FGF13: variants seen among roughly 807,000 people sequenced by gnomAD.
FGF13 encodes fibroblast growth factor homologous factor 2.
A neutral mutation model predicts 19.5 loss-of-function variants in FGF13; 2 were observed. That is an observed-to-expected ratio of 0.10 (90% CI 0.04 to 0.32). The LOEUF is 0.32. Among genes scored for constraint, FGF13 ranks in the 10% least tolerant of loss-of-function variants. The pLI is 1.00. For missense variants in FGF13, 113 were observed against 192.7 expected (o/e 0.59, Z 2.45); for synonymous variants, 72 against 76.9 (o/e 0.94, Z 0.33).
chrX:138,676,232 C>T (rs2089664806), intron 3 of FGF13, among the ~76,000 whole-genome samples: 1 of 111,073 alleles, frequency 9.0e-6, no homozygotes, highest in Non-Finnish European at 1.9e-5. Context: ...ATATTTTAGA[C>T]TTGTAATAGC....
At chrX:138,941,217 C>T (rs1569427148) in intron 1 of FGF13, among the ~76,000 whole-genome samples, 1 of 111,445 alleles carries the variant, frequency 9.0e-6, no homozygotes, top group Non-Finnish European at 1.9e-5. Context: ...CCAGAGCAAT[C>T]AGGGAAGAGA....
intron 1 of FGF13, among the ~76,000 whole-genome samples, chrX:139,063,820 A>T (rs1321388033): frequency 9.0e-6 from 1 of 111,492 alleles, no homozygotes; most frequent in East Asian, 2.8e-4. Context: ...GTATTACCTT[A>T]TTGTTGGGTG....
At chrX:138,641,624 C>T (rs2089252595) in intron 3 of FGF13, among the ~76,000 whole-genome samples, 1 of 111,922 alleles carries the variant, frequency 8.9e-6, no homozygotes, top group African/African-American at 3.3e-5. Context: ...AATGTAACTA[C>T]CTATATTCTC....
Position 138,710,764 on chromosome X carries a change from C to A in FGF13, c.187+53G>T. On this transcript the variant is annotated intron_variant, in intron 1 of 4. Transcript: ENST00000315930. ...TATGCTACATACCTGCTCCCCACCG[C>A]CCCCACCTCACTCGTAAAGTATGGG... 1.7e-6 allele frequency: 2 copies of A among 1,197,071 alleles called. 1 individual carries two copies. The highest frequency in any genetic ancestry group is 3.7e-5 in the South Asian group (2 of 54,220).
chrX:138,760,020 G>C, intron 3 of FGF13, among the ~76,000 whole-genome samples: 1 of 111,287 alleles, frequency 9.0e-6, no homozygotes, highest in Admixed American at 9.6e-5. Flanking sequence ...CCTTGTTGGG[G>C]TGTATGAGGA....
chrX:138,711,273 G>A lies in FGF13; in HGVS notation c.-270C>T, dbSNP rs2090044032. The A allele has an allele frequency of 5.1e-6, 5 of 977,808 alleles. No individual in the cohort carries two copies. Among genetic ancestry groups the A allele is most frequent in the African/African-American group, 2.0e-5 (1 of 49,844 alleles). 80.6% of individuals were successfully genotyped at this position (977,808 alleles called of 1,213,427 possible). ...GCCACAGCCCCGGGCCCGGGATCGCGGGCGAGACTGGCACGCGGATGCTGA... is the reference window on the plus strand; with the variant it reads ...GCCACAGCCCCGGGCCCGGGATCGCAGGCGAGACTGGCACGCGGATGCTGA... On this transcript the variant is annotated 5_prime_UTR_variant, in exon 1 of 5. Transcript: ENST00000315930.
At position 138,984,693 on chromosome X, in the gene FGF13, G is replaced by GAGAAGAAGA. The variant is rs778061986; in HGVS notation, c.-112-120052_-112-120044dup. ...GAAGGTGAAGGAGAAGAAGAAGGAGGAGAAGAAGAAGAAGAGAAGGAGGAG... is the reference window on the plus strand; with the variant it reads ...GAAGGTGAAGGAGAAGAAGAAGGAGGAGAAGAAGAAGAAGAAGAAGAAGAGAAGGAGGAG... On this transcript the variant is annotated intron_variant, in intron 1 of 2. Transcript: ENST00000421460. Among the ~76,000 whole-genome samples the GAGAAGAAGA allele has an allele frequency of 2.7e-3, 197 of 71,796 alleles. 2 individuals are homozygous for GAGAAGAAGA. The highest frequency in any genetic ancestry group is 8.7e-3 in the African/African-American group (156 of 17,878). The allele number at this position is 71,796 out of a possible 115,157, so 62.3% of individuals were successfully genotyped here. A position where few individuals can be genotyped will look rare whatever the true frequency, so the allele number is the denominator to read the frequency against.
intron 3 of FGF13, among the ~76,000 whole-genome samples, chrX:138,677,718 T>C (rs2089685975): frequency 1.8e-5 from 2 of 112,281 alleles, no homozygotes; most frequent in Admixed American, 1.9e-4. Flanking sequence ...GGAACACTTT[T>C]ACACTATTGG....
intron 3 of FGF13, among the ~76,000 whole-genome samples, chrX:138,769,681 G>A (rs1170574424): frequency 8.9e-6 from 1 of 111,954 alleles, no homozygotes; most frequent in Non-Finnish European, 1.9e-5. Context: ...ATATTTTTCT[G>A]ATTAGCTATA....
chrX:138,957,734 T>G (rs1032823760), intron 1 of FGF13, among the ~76,000 whole-genome samples: 1 of 111,829 alleles, frequency 8.9e-6, no homozygotes, highest in African/African-American at 3.3e-5. Flanking sequence ...GTCCTTCACA[T>G]CCCTTGTAAA....
chrX:139,160,709 T>C (rs947261737), intron 1 of FGF13, among the ~76,000 whole-genome samples: 60 of 112,126 alleles, frequency 5.4e-4, no homozygotes, highest in Non-Finnish European at 1.1e-3. Context: ...CAGAGAATAC[T>C]ATAAACACCT....
chrX:138,754,771 G>A (rs755653664), intron 3 of FGF13, among the ~76,000 whole-genome samples: 7 of 111,456 alleles, frequency 6.3e-5, no homozygotes, highest in Non-Finnish European at 1.1e-4. Flanking sequence ...GTACATCCCA[G>A]GCAGAAGATG....
At chrX:138,714,661 G>GCACA (rs1556065064), upstream of FGF13, 1 of 110,072 alleles carries the variant, frequency 9.1e-6, no homozygotes, top group Non-Finnish European at 1.9e-5. Context: ...ACACGCGCGC[G>GCACA]CACACACACA....
At chrX:138,857,372 C>T, downstream of FGF13, 1 of 526,023 alleles carries the variant, frequency 1.9e-6, no homozygotes. Context: ...ACACTTTCAC[C>T]AGCCAGCCAG....
At chrX:139,061,617 T>A (rs377268572) in intron 1 of FGF13, among the ~76,000 whole-genome samples, 54 of 108,683 alleles carry the variant, frequency 5.0e-4, no homozygotes, top group African/African-American at 1.2e-3. Context: ...TATTTTTTTT[T>A]AAAATAAATT....
chrX:138,725,798 T>C lies in FGF13; in HGVS notation c.28+13444A>G, dbSNP rs1205426025. Among the ~76,000 whole-genome samples, 30 of 111,444 alleles carry C rather than the reference T, an allele frequency of 2.7e-4. No homozygotes were observed. In the Admixed American group the frequency reaches 2.8e-3, roughly 10 times the overall value. ...AAGTTCCTCCCCCCCACAACCCTCC[T>C]GTAAAAATATTATATTATTGGTAAT... On this transcript the variant is annotated intron_variant, in intron 1 of 4. Transcript: ENST00000305414.
chrX:139,061,275 G>C (rs2092335181), intron 1 of FGF13, among the ~76,000 whole-genome samples: 1 of 111,885 alleles, frequency 8.9e-6, no homozygotes, highest in Non-Finnish European at 1.9e-5. Flanking sequence ...AACTCATGTT[G>C]AGGATTGATG....
chrX:138,830,752 G>A (rs1037535602), intron 3 of FGF13, among the ~76,000 whole-genome samples: 1 of 101,098 alleles, frequency 9.9e-6, no homozygotes, highest in South Asian at 4.9e-4. Context: ...TCCTACAGTA[G>A]GAGAAAAGGT....
chrX:138,914,964 T>C (rs1983694781), intron 1 of FGF13, among the ~76,000 whole-genome samples: 1 of 111,373 alleles, frequency 9.0e-6, no homozygotes, highest in South Asian at 3.8e-4. Flanking sequence ...CCTGCCAGAG[T>C]GCATTCTCTG....
Sources: gnomAD v4.1 joint callset for allele counts (sites outside exome capture counted in the v4.1 genomes callset) on GRCh38, gnomAD v4.1.1 for gene constraint, MANE v1.5 for transcripts, NCBI Gene and HGNC (gene_info 2026-07-23, HGNC 2026-07-21) for gene names.